WDR35: variants seen among roughly 807,000 people sequenced by gnomAD.
The protein encoded by WDR35 is WD repeat domain 35, also known as WD repeat-containing protein 35.
In WDR35, 118 loss-of-function variants were observed where a neutral mutation model predicts 158.3. The observed-to-expected ratio is 0.75, with a 90% CI of 0.64 to 0.87. The LOEUF is 0.87. Among genes scored for constraint, WDR35 ranks in the 40% least tolerant of loss-of-function variants. The probability of loss-of-function intolerance (pLI) is 0.00; values close to 1 mark genes in which losing one functional copy is unlikely to be tolerated. For missense variants in WDR35, 1,263 were observed against 1,405.8 expected (o/e 0.90, Z 1.62); for synonymous variants, 448 against 476.1 (o/e 0.94, Z 0.77).
chr2:19,943,606 TG>T (rs1355991969), intron 16 of WDR35, among the ~76,000 whole-genome samples: 1 of 152,086 alleles, frequency 6.6e-6, no homozygotes, highest in African/African-American at 2.4e-5. Flanking sequence ...GGGAGCCCCT[TG>T]TTTGAAAAAG....
chr2:19,969,807 G>A (rs939190783), intron 8 of WDR35, among the ~76,000 whole-genome samples: 5 of 151,212 alleles, frequency 3.3e-5, no homozygotes, highest in Admixed American at 3.3e-4. Flanking sequence ...GAGTGCAGTG[G>A]CGTGATCTCG....
intron 11 of WDR35, among the ~76,000 whole-genome samples, chr2:19,958,055 C>A (rs1331915594): frequency 2.0e-5 from 3 of 152,332 alleles, no homozygotes; most frequent in East Asian, 3.9e-4. Context: ...CCCACTTTCC[C>A]ATTTATTCAT....
rs575648571 is a variant in WDR35 at position 19,973,945 on chromosome 2, G to A, written c.737-237C>T. Among the ~76,000 whole-genome samples, 82 of 151,514 alleles carry A rather than the reference G, an allele frequency of 5.4e-4. No homozygotes were observed. The South Asian group carries it at 0.015, about 28-fold the overall frequency. On this transcript the variant is annotated intron_variant, in intron 7 of 26. Transcript: ENST00000281405. ...CAACATGGTGAAACCCTGTCTCTACGAAAAATACAAAAATTAGCTGGAGGA... is the reference window on the plus strand; with the variant it reads ...CAACATGGTGAAACCCTGTCTCTACAAAAAATACAAAAATTAGCTGGAGGA...
At chr2:19,976,505 A>T (rs1672217521) in intron 5 of WDR35, among the ~76,000 whole-genome samples, 1 of 152,150 alleles carries the variant, frequency 6.6e-6, no homozygotes. Context: ...ACAAACCTGC[A>T]CTTGTACCCT....
rs778000570 is a variant in WDR35, at chr2:19,979,147, CTCTT to C, written c.308-272_308-269del. 1.4e-3 allele frequency among the ~76,000 whole-genome samples: 212 copies of C among 152,274 alleles called. 1 individual carries two copies. The highest frequency in any genetic ancestry group is 4.3e-3 in the African/African-American group (180 of 41,562). ...GTTTCTTCTTTCTTTCTTTCCCTCTCTCTTTCTTTCTGTCAATTAAAAATTAAAC... is the reference window on the plus strand; with the variant it reads ...GTTTCTTCTTTCTTTCTTTCCCTCTCTCTTTCTGTCAATTAAAAATTAAAC... On this transcript the variant is annotated intron_variant, in intron 4 of 26. Coordinates refer to ENST00000281405, the MANE Select transcript of WDR35 (RefSeq NM_020779.4).
chr2:19,930,589 A>G, intron 24 of WDR35, 37 bp from the exon 25 acceptor site: 1 of 1,613,138 alleles, frequency 6.2e-7, no homozygotes, highest in Non-Finnish European at 8.5e-7. Flanking sequence ...CCGTCAGCAC[A>G]AACGCACACA....
chr2:19,924,838 AGAAT>A (rs1670306840), intron 25 of WDR35, among the ~76,000 whole-genome samples: 1 of 152,300 alleles, frequency 6.6e-6, no homozygotes, highest in South Asian at 2.1e-4. Context: ...ATACTAAAAA[AGAAT>A]GTAGAAAAAA....
At chr2:19,936,075 C>T in intron 20 of WDR35, 144 bp downstream of exon 20, 2 of 1,350,168 alleles carry the variant, frequency 1.5e-6, no homozygotes, top group Non-Finnish European at 2.0e-6. Flanking sequence ...GGATCTCCGG[C>T]TTTCCAAGAT....
chr2:19,982,424 A>C, intron 3 of WDR35, 39 bp downstream of exon 3: 1 of 1,589,854 alleles, frequency 6.3e-7, no homozygotes, highest in Non-Finnish European at 8.6e-7. Flanking sequence ...ATGCCTAAAT[A>C]CCACTCAAAC....
intron 2 of WDR35, among the ~76,000 whole-genome samples, chr2:19,985,117 C>T (rs1317169468): frequency 3.3e-5 from 5 of 152,162 alleles, no homozygotes; most frequent in Non-Finnish European, 5.9e-5. Flanking sequence ...CGGAGGACTG[C>T]GCAGTCAGCT....
intron 26 of WDR35, 129 bp from the exon 27 acceptor site, chr2:19,913,837 A>G: frequency 6.9e-7 from 1 of 1,439,660 alleles, no homozygotes; most frequent in Middle Eastern, 2.0e-4. Flanking sequence ...TCATTTAAAA[A>G]AGTTATTTCA....
Position 19,966,727 on chromosome 2 carries a change from A to C in WDR35, c.1191T>G (p.Pro397=), listed in dbSNP as rs1212842573. ...TAAGATATCAAGAAACACCTACCTGAGGATGATTTTCATCAGCTTTTGTAG... is the reference window on the plus strand; with the variant it reads ...TAAGATATCAAGAAACACCTACCTGCGGATGATTTTCATCAGCTTTTGTAG... The part of the protein sequence containing the change: ...ILATKADENH[P]QFVLVLCNSI... The change falls in exon 10 of 27, where the codon CCT becomes CCG. Residue 397 remains proline (P), a synonymous_variant. Coordinates refer to ENST00000281405, the MANE Select transcript of WDR35 (RefSeq NM_020779.4). The C allele has an allele frequency of 6.2e-7, 1 of 1,613,746 alleles. No individual in the cohort carries two copies.
At position 19,935,593 on chromosome 2, in the gene WDR35, C is replaced by A. The variant is rs1191435410; in HGVS notation, c.2425G>T (p.Val809Leu). The A allele has an allele frequency of 2.5e-6, 4 of 1,612,078 alleles. No homozygotes were observed. Among genetic ancestry groups the A allele is most frequent in the African/African-American group, 2.7e-5 (2 of 74,850 alleles). Reference protein sequence around the residue: ...FADRQKWLNAVQYYVQGRNQE... With the variant: ...FADRQKWLNALQYYVQGRNQE... Reference sequence around the variant, plus strand: ...TTCCGTCCTTGTACATAATATTGTACAGCATTCAACCTACAGAAAGAAAAA... The same window carrying A: ...TTCCGTCCTTGTACATAATATTGTAAAGCATTCAACCTACAGAAAGAAAAA... Residue 809 changes from valine to leucine, a missense_variant, in exon 21 of 27, where the codon GTA becomes TTA. By Grantham distance (32) the Val-to-Leu change is conservative. Coordinates refer to ENST00000281405, the MANE Select transcript of WDR35 (RefSeq NM_020779.4).
intron 25 of WDR35, among the ~76,000 whole-genome samples, chr2:19,918,655 A>G (rs1449206283): frequency 6.6e-6 from 1 of 152,270 alleles, no homozygotes; most frequent in South Asian, 2.1e-4. Flanking sequence ...AAAGAAGGGC[A>G]TTACATAATG....
intron 10 of WDR35, among the ~76,000 whole-genome samples, chr2:19,965,934 T>C (rs1214481398): frequency 1.3e-5 from 2 of 152,252 alleles, no homozygotes; most frequent in Non-Finnish European, 2.9e-5. Flanking sequence ...GAATGGCTTA[T>C]GATTCAGCTT....
chr2:19,978,622 T>C lies in WDR35; in HGVS notation c.436+129A>G, dbSNP rs879053617. On this transcript the variant is annotated intron_variant, in intron 5 of 26. Transcript: ENST00000281405. ...TTCTTGAATGTCGTCAAATTGTATATCAAATAGTTTCCCTTTTATGTCTAT... is the reference window on the plus strand; with the variant it reads ...TTCTTGAATGTCGTCAAATTGTATACCAAATAGTTTCCCTTTTATGTCTAT... 34 of 1,372,520 alleles carry C rather than the reference T, an allele frequency of 2.5e-5. 2 individuals are homozygous for C. In the South Asian group the frequency reaches 4.0e-4, roughly 16 times the overall value. 85.0% of individuals were successfully genotyped at this position (1,372,520 alleles called of 1,614,324 possible).
chr2:19,920,539 C>T (rs1031651394), intron 25 of WDR35, among the ~76,000 whole-genome samples: 7 of 152,236 alleles, frequency 4.6e-5, no homozygotes, highest in South Asian at 2.1e-4. Flanking sequence ...AGCCTTCATA[C>T]GAAAAACTCT....
At chr2:19,973,908 G>C (rs1672110511) in intron 7 of WDR35, among the ~76,000 whole-genome samples, 200 bp from the exon 8 acceptor site, 1 of 151,684 alleles carries the variant, frequency 6.6e-6, no homozygotes, top group Non-Finnish European at 1.5e-5. Context: ...AGGAGTTCAA[G>C]ATCGGCCTGG....
intron 25 of WDR35, among the ~76,000 whole-genome samples, chr2:19,924,652 T>G (rs1670301784): frequency 6.6e-6 from 1 of 152,240 alleles, no homozygotes; most frequent in Non-Finnish European, 1.5e-5. Context: ...ACTGCCAGGC[T>G]GCTCTGCGAC....
Sources: allele counts gnomAD v4.1 joint callset (sites outside exome capture counted in the v4.1 genomes callset), GRCh38; gene constraint gnomAD v4.1.1; transcripts MANE v1.5; gene names NCBI Gene and HGNC (gene_info 2026-07-23, HGNC 2026-07-21).